VWDE: variants seen among roughly 807,000 people sequenced by gnomAD.
VWDE encodes von Willebrand factor D and EGF domain-containing protein.
A neutral mutation model predicts 178.4 loss-of-function variants in VWDE; 207 were observed. That is an observed-to-expected ratio of 1.16 (90% CI 1.04 to 1.30). The LOEUF (loss-of-function observed/expected upper bound fraction) is 1.30, where lower values mean the gene tolerates loss of function less well. Ranked by LOEUF, VWDE falls within the 50% of genes most tolerant of loss-of-function variation. VWDE has a pLI of 0.00. For synonymous variants in VWDE, 738 were observed against 651.4 expected, an observed-to-expected ratio of 1.13 and a Z score of -2.02; for missense variants, 2,287 against 1,901.3, an observed-to-expected ratio of 1.20 and a Z score of -3.77.
Position 12,357,255 on chromosome 7 carries a change from T to C in VWDE, c.3525+10A>G. 1 of 1,549,414 alleles carries C rather than the reference T, an allele frequency of 6.5e-7. No individual in the cohort carries two copies. The highest frequency in any genetic ancestry group is 1.4e-5 in the African/African-American group (1 of 73,062). ...GAATCCAGTGGCACTTATGTAATTA[T>C]AAAGATTACCTCAATCGTGACTCTA... On this transcript the variant is annotated intron_variant, in intron 17 of 28. Transcript: ENST00000275358.
chr7:12,371,434 T>G (rs1268172826), intron 10 of VWDE, among the ~76,000 whole-genome samples: 1 of 152,038 alleles, frequency 6.6e-6, no homozygotes, highest in African/African-American at 2.4e-5. Flanking sequence ...GTGAACCATC[T>G]CTCCCATCAC....
At chr7:12,382,082 A>G (rs1224592696) in intron 4 of VWDE, among the ~76,000 whole-genome samples, 1 of 151,894 alleles carries the variant, frequency 6.6e-6, no homozygotes, top group Non-Finnish European at 1.5e-5. Flanking sequence ...TATTAAATAT[A>G]TTAATACATT....
chr7:12,340,888 T>G (rs1026064830), intron 23 of VWDE, among the ~76,000 whole-genome samples: 1 of 152,208 alleles, frequency 6.6e-6, no homozygotes, highest in African/African-American at 2.4e-5. Flanking sequence ...ATGAGAACAC[T>G]GCACTCAAGT....
chr7:12,399,199 T>G (rs541622279), intron 1 of VWDE, among the ~76,000 whole-genome samples: 3 of 152,268 alleles, frequency 2.0e-5, no homozygotes, highest in African/African-American at 7.2e-5. Flanking sequence ...GGTCCTCTTC[T>G]GCACACAATT....
chr7:12,373,102 C>T lies in VWDE; in HGVS notation c.1462G>A (p.Asp488Asn). 6.4e-7 allele frequency: 1 copy of T among 1,551,242 alleles called. No homozygotes were observed. The highest frequency in any genetic ancestry group is 8.7e-7 in the Non-Finnish European group (1 of 1,146,760). ...NCGFVAQEGG[D>N]IVTFDMCNGQ... The stretch of plus-strand genomic sequence containing the variant: ...TTGCACATATCAAAAGTAACTATAT[C>T]ACCTCCTTCCTGGGCAACAAACCCA... Residue 488 changes from aspartate to asparagine, a missense_variant, in exon 10 of 29, where the codon GAT becomes AAT. By Grantham distance (23) the Asp-to-Asn change is conservative. Transcript: ENST00000275358.
Position 12,357,508 on chromosome 7 carries a change from C to T in VWDE, c.3282G>A (p.Gln1094=). The T allele has an allele frequency of 6.4e-7, 1 of 1,552,056 alleles. No homozygotes were observed. Among genetic ancestry groups the T allele is most frequent in the East Asian group, 2.4e-5 (1 of 40,882 alleles). Residue 1094 remains glutamine (Q), a synonymous_variant, in exon 17 of 29, where the codon CAG becomes CAA. Coordinates refer to ENST00000275358, the MANE Select transcript of VWDE (RefSeq NM_001135924.3). ...CTTGCAATGCTTGAATCACTGGGGGCTGGTTGTCTGTAATAGAGAAAACAC... is the reference window on the plus strand; with the variant it reads ...CTTGCAATGCTTGAATCACTGGGGGTTGGTTGTCTGTAATAGAGAAAACAC... ...RFTWSFLENN[Q]PPVIQALQDK...
At chr7:12,349,096 G>A (rs1032077077) in intron 19 of VWDE, among the ~76,000 whole-genome samples, 5 of 152,120 alleles carry the variant, frequency 3.3e-5, no homozygotes, top group Non-Finnish European at 7.3e-5. Flanking sequence ...GGAGAGGGGA[G>A]GGATAGCATT....
intron 2 of VWDE, among the ~76,000 whole-genome samples, chr7:12,389,937 C>T (rs534942181): frequency 4.6e-5 from 7 of 152,082 alleles, no homozygotes; most frequent in African/African-American, 1.2e-4. Flanking sequence ...CTGAGGTGGG[C>T]GGATTGCCTG....
At chr7:12,345,365 T>A (rs551305305) in intron 19 of VWDE, among the ~76,000 whole-genome samples, 2 of 152,258 alleles carry the variant, frequency 1.3e-5, no homozygotes, top group Non-Finnish European at 2.9e-5. Flanking sequence ...TAATTTTCTT[T>A]GTATCTTCTG....
chr7:12,374,741 T>C lies in VWDE; in HGVS notation c.1264A>G (p.Thr422Ala), dbSNP rs1783417673. Residue 422 changes from threonine (T) to alanine (A), a missense_variant, in exon 9 of 29, where the codon ACT becomes GCT. Coordinates refer to ENST00000275358, the MANE Select transcript of VWDE (RefSeq NM_001135924.3). ...SIQIKVKDVP[T>A]AYCYTFTDPH... ...TCAGTAAATGTATAGCAGTAAGCAG[T>C]TGGGACATCCTTTACTTTGATCTTA... 1.3e-6 allele frequency: 2 copies of C among 1,539,542 alleles called. No individual in the cohort carries two copies. Among genetic ancestry groups the C allele is most frequent in the Non-Finnish European group, 1.8e-6 (2 of 1,142,108 alleles).
chr7:12,358,449 C>A (rs1207548178), intron 16 of VWDE, among the ~76,000 whole-genome samples: 2 of 151,802 alleles, frequency 1.3e-5, no homozygotes, highest in African/African-American at 4.8e-5. Context: ...AACTGAAAAT[C>A]TCTTTTTATA....
intron 13 of VWDE, among the ~76,000 whole-genome samples, chr7:12,361,933 C>A (rs1782602672): frequency 6.6e-6 from 1 of 151,968 alleles, no homozygotes; most frequent in Non-Finnish European, 1.5e-5. Flanking sequence ...TCCTTTCTGC[C>A]CCCTACACAA....
At chr7:12,333,731 T>C in intron 27 of VWDE, 163 bp from the exon 28 acceptor site, 1 of 489,936 alleles carries the variant, frequency 2.0e-6, no homozygotes, top group South Asian at 3.8e-5. Context: ...TACTCTTGTC[T>C]TTCAGAGCAC....
At chr7:12,394,333 A>G (rs1007092397) in intron 1 of VWDE, among the ~76,000 whole-genome samples, 1 of 152,108 alleles carries the variant, frequency 6.6e-6, no homozygotes, top group Non-Finnish European at 1.5e-5. Flanking sequence ...TTTTAAAGTT[A>G]TTTTCCAAAG....
At chr7:12,360,680 C>T (rs990334079) in intron 15 of VWDE, among the ~76,000 whole-genome samples, 1 of 152,132 alleles carries the variant, frequency 6.6e-6, no homozygotes, top group African/African-American at 2.4e-5. Context: ...GCTCAGGCTG[C>T]ACTGCTGTTC....
intron 12 of VWDE, 46 bp from the exon 13 acceptor site, chr7:12,367,539 C>A: frequency 1.5e-6 from 2 of 1,378,570 alleles, no homozygotes; most frequent in Non-Finnish European, 1.9e-6. Context: ...TACTTAATTT[C>A]AGAAAAAAAA....
chr7:12,347,944 G>A (rs1225596735), intron 19 of VWDE, among the ~76,000 whole-genome samples: 2 of 152,060 alleles, frequency 1.3e-5, no homozygotes, highest in Non-Finnish European at 2.9e-5. Context: ...TCTGATCTTT[G>A]ACAAACCTGA....
intron 19 of VWDE, among the ~76,000 whole-genome samples, chr7:12,348,076 A>G (rs972448990): frequency 1.3e-5 from 2 of 152,186 alleles, no homozygotes; most frequent in Non-Finnish European, 2.9e-5. Flanking sequence ...AATCAATTCA[A>G]GATGGATTGA....
Position 12,361,153 on chromosome 7 carries a change from A to G in VWDE, c.3153T>C (p.Thr1051=). 1 of 1,515,276 alleles carries G rather than the reference A, an allele frequency of 6.6e-7. No homozygotes were observed. The highest frequency in any genetic ancestry group is 1.2e-5 in the South Asian group (1 of 81,712). 93.9% of individuals were successfully genotyped at this position (1,515,276 alleles called of 1,614,324 possible). The change falls in exon 15 of 29, where the codon ACT becomes ACC. Residue 1051 remains threonine, a synonymous_variant. Coordinates refer to ENST00000275358, the MANE Select transcript of VWDE (RefSeq NM_001135924.3). The part of the protein sequence containing the change: ...VCGLYKNDSC[T]IKENVCIIDG... ...ACATGAAAAAAATACATACCTTTATAGTACATGAGTCATTTTTATAGAGAC... is the reference window on the plus strand; with the variant it reads ...ACATGAAAAAAATACATACCTTTATGGTACATGAGTCATTTTTATAGAGAC...
Sources: allele counts gnomAD v4.1 joint callset (sites outside exome capture counted in the v4.1 genomes callset), GRCh38; gene constraint gnomAD v4.1.1; transcripts MANE v1.5; gene names NCBI Gene and HGNC (gene_info 2026-07-23, HGNC 2026-07-21).